The following DLGAP1 variants were observed in gnomAD, a reference collection of about 807,000 sequenced individuals.
The protein encoded by DLGAP1 is DLG associated protein 1, also known as disks large-associated protein 1.
In DLGAP1, 11 loss-of-function variants were observed where a neutral mutation model predicts 90.8. The ratio of observed to expected loss-of-function variants is 0.12; its 90% CI spans 0.08 to 0.20. The LOEUF (loss-of-function observed/expected upper bound fraction) is 0.20, where lower values mean the gene tolerates loss of function less well. Ranked by LOEUF, DLGAP1 falls within the 10% of genes least tolerant of loss-of-function variation. The pLI is 1.00. For missense variants in DLGAP1, 1,050 were observed against 1,333.8 expected (o/e 0.79, Z 3.31); for synonymous variants, 558 against 540.7 (o/e 1.03, Z -0.44).
intron 3 of DLGAP1, among the ~76,000 whole-genome samples, chr18:3,975,247 C>A (rs1375294357): frequency 6.6e-6 from 1 of 152,006 alleles, no homozygotes; most frequent in East Asian, 1.9e-4. Flanking sequence ...ACACTTCATA[C>A]AACTCACTAA....
chr18:4,114,056 C>CTTTTTTTTTTT (rs58180172), intron 2 of DLGAP1, among the ~76,000 whole-genome samples: 2 of 106,910 alleles, frequency 1.9e-5, no homozygotes, highest in African/African-American at 3.4e-5. Context: ...ATGCCTCTGG[C>CTTTTTTTTTTT]TTTTTTTTTT....
chr18:4,216,084 TTGAC>T (rs1210608434), intron 1 of DLGAP1, among the ~76,000 whole-genome samples: 11 of 152,130 alleles, frequency 7.2e-5, no homozygotes, highest in Non-Finnish European at 1.3e-4. Context: ...AGAGGTTTAA[TTGAC>T]TAACAGTTCA....
chr18:3,521,699 C>A (rs1318364850), intron 10 of DLGAP1, among the ~76,000 whole-genome samples: 1 of 152,196 alleles, frequency 6.6e-6, no homozygotes, highest in African/African-American at 2.4e-5. Flanking sequence ...TTCTTTTCAA[C>A]ATGTTCTGTT....
intron 7 of DLGAP1, among the ~76,000 whole-genome samples, chr18:3,709,703 G>C (rs2061542809): frequency 6.6e-6 from 1 of 152,220 alleles, no homozygotes. Flanking sequence ...ATGCAAGACT[G>C]TGAACCCCTC....
intron 2 of DLGAP1, 138 bp from the exon 3 acceptor site, chr18:4,005,339 G>A (rs558151354): frequency 1.5e-4 from 23 of 152,266 alleles, no homozygotes; most frequent in African/African-American, 5.3e-4. Flanking sequence ...TCAGATGTTT[G>A]AATCTTCAAA....
intron 5 of DLGAP1, among the ~76,000 whole-genome samples, chr18:3,780,707 G>A (rs2065150523): frequency 6.6e-6 from 1 of 152,184 alleles, no homozygotes; most frequent in Admixed American, 6.5e-5. Flanking sequence ...GCATTAAGAT[G>A]TGGATATCTT....
chr18:4,261,279 C>G (rs901539282), intron 1 of DLGAP1, among the ~76,000 whole-genome samples: 2 of 152,106 alleles, frequency 1.3e-5, no homozygotes, highest in Non-Finnish European at 2.9e-5. Flanking sequence ...TGATCCCCAG[C>G]TCTCACAAAC....
intron 1 of DLGAP1, among the ~76,000 whole-genome samples, chr18:4,353,294 C>T (rs1288766189): frequency 2.0e-5 from 3 of 152,136 alleles, no homozygotes; most frequent in Non-Finnish European, 2.9e-5. Flanking sequence ...CCACTGAGCA[C>T]GGGGCTGCGA....
chr18:3,675,068 G>A (rs1452029058), intron 7 of DLGAP1, among the ~76,000 whole-genome samples: 2 of 152,204 alleles, frequency 1.3e-5, no homozygotes, highest in East Asian at 3.9e-4. Context: ...GTACCACGCA[G>A]TGGGTTAGCT....
At chr18:3,645,189 C>G (rs532152949) in intron 7 of DLGAP1, among the ~76,000 whole-genome samples, 7 of 152,192 alleles carry the variant, frequency 4.6e-5, no homozygotes, top group South Asian at 4.1e-4. Flanking sequence ...GCCTCGACTT[C>G]CCAGGTGAGA....
At chr18:4,448,282 T>A (rs189778807) in intron 1 of DLGAP1, among the ~76,000 whole-genome samples, 20 of 152,280 alleles carry the variant, frequency 1.3e-4, no homozygotes, top group Admixed American at 1.1e-3. Flanking sequence ...TTTCCTACAT[T>A]TTAATCGTAT....
At chr18:4,434,260 T>C (rs2083351934) in intron 1 of DLGAP1, among the ~76,000 whole-genome samples, 1 of 152,114 alleles carries the variant, frequency 6.6e-6, no homozygotes, top group South Asian at 2.1e-4. Flanking sequence ...TCTGAATTCT[T>C]GACCATAGCA....
At chr18:3,548,213 T>C (rs1440703480) in intron 9 of DLGAP1, among the ~76,000 whole-genome samples, 1 of 152,174 alleles carries the variant, frequency 6.6e-6, no homozygotes, top group Non-Finnish European at 1.5e-5. Context: ...TGCCACTGAA[T>C]TGTATACCTT....
At chr18:4,056,742 A>C (rs895747689) in intron 2 of DLGAP1, among the ~76,000 whole-genome samples, 6 of 152,106 alleles carry the variant, frequency 3.9e-5, no homozygotes, top group African/African-American at 1.4e-4. Context: ...ACATACACTA[A>C]AAAATACCTG....
intron 5 of DLGAP1, among the ~76,000 whole-genome samples, chr18:3,780,184 T>TA (rs1568122166): frequency 6.6e-6 from 1 of 152,160 alleles, no homozygotes; most frequent in Admixed American, 6.5e-5. Flanking sequence ...CTGGCATGGG[T>TA]AAAAAATAAA....
chr18:4,321,783 G>A (rs1430611291), intron 1 of DLGAP1, among the ~76,000 whole-genome samples: 1 of 152,172 alleles, frequency 6.6e-6, no homozygotes, highest in Non-Finnish European at 1.5e-5. Flanking sequence ...AATGAGGCAG[G>A]AGAAGTAAAT....
At chr18:4,210,217 C>T (rs1375157398) in intron 1 of DLGAP1, among the ~76,000 whole-genome samples, 1 of 152,176 alleles carries the variant, frequency 6.6e-6, no homozygotes, top group Non-Finnish European at 1.5e-5. Context: ...AGGGTGGCAC[C>T]AGTTATATTC....
chr18:3,828,009 A>T (rs2067813539), intron 4 of DLGAP1, among the ~76,000 whole-genome samples: 1 of 152,252 alleles, frequency 6.6e-6, no homozygotes, highest in African/African-American at 2.4e-5. Flanking sequence ...CCCTAAAGTA[A>T]TACTTCTTGA....
At chr18:3,576,912 G>T (rs1452677132) in intron 8 of DLGAP1, among the ~76,000 whole-genome samples, 4 of 149,874 alleles carry the variant, frequency 2.7e-5, no homozygotes, top group African/African-American at 9.9e-5. Flanking sequence ...GCCCAGGCTG[G>T]AGTGCAATGG....
Sources: gnomAD v4.1 joint callset for allele counts (sites outside exome capture counted in the v4.1 genomes callset) on GRCh38, gnomAD v4.1.1 for gene constraint, MANE v1.5 for transcripts, NCBI Gene and HGNC (gene_info 2026-07-23, HGNC 2026-07-21) for gene names.